Variants in SYMPK observed in about 807,000 individuals in gnomAD.
SYMPK encodes symplekin.
A neutral mutation model predicts 136.4 loss-of-function variants in SYMPK; 49 were observed. That is an observed-to-expected ratio of 0.36 (90% CI 0.29 to 0.46). The LOEUF is 0.46. Among genes scored for constraint, SYMPK ranks in the 20% least tolerant of loss-of-function variants. The pLI, the probability that SYMPK is intolerant of heterozygous loss-of-function variation, is 1.00. For synonymous variants in SYMPK, 766 were observed against 713.0 expected (o/e 1.07, Z -1.19); for missense variants, 1,365 against 1,690.0 (o/e 0.81, Z 3.37).
At chr19:45,835,280 A>G (rs370083794) in intron 10 of SYMPK, 52 bp from the exon 11 acceptor site, 20 of 1,507,552 alleles carry the variant, frequency 1.3e-5, no homozygotes, top group Non-Finnish European at 1.8e-5. Flanking sequence ...CTCAAGAAGC[A>G]TTCTTTCCAT....
At position 45,826,187 on chromosome 19, in the gene SYMPK, C is replaced by T. The variant is rs201091187; in HGVS notation, c.2329+39G>A. ...GCTCGCAGGGCCCAGAGCGCGGACA[C>T]AGCAGCGCTCAGTATGCATCTGATG... On this transcript the variant is annotated intron_variant, in intron 17 of 26. Coordinates refer to ENST00000245934, the MANE Select transcript of SYMPK (RefSeq NM_004819.3). 1.5e-5 allele frequency: 24 copies of T among 1,586,674 alleles called. No homozygotes were observed. The Middle Eastern group carries it at 6.8e-4, about 45-fold the overall frequency.
intron 5 of SYMPK, among the ~76,000 whole-genome samples, chr19:45,851,025 G>A (rs1328834307): frequency 2.0e-5 from 3 of 152,092 alleles, no homozygotes; most frequent in African/African-American, 7.2e-5. Context: ...CTTCTGAGGA[G>A]CAGGGGAGAC....
chr19:45,840,248 G>A (rs1971402637), intron 9 of SYMPK, among the ~76,000 whole-genome samples: 1 of 149,800 alleles, frequency 6.7e-6, no homozygotes, highest in Non-Finnish European at 1.5e-5. Flanking sequence ...CTGGGAGGCG[G>A]AGGTTGCAGT....
At position 45,825,237 on chromosome 19, in the gene SYMPK, C is replaced by T; in HGVS notation, c.2424G>A (p.Leu808=). 6.2e-7 allele frequency: 1 copy of T among 1,614,182 alleles called. No individual in the cohort carries two copies. The highest frequency in any genetic ancestry group is 8.5e-7 in the Non-Finnish European group (1 of 1,180,026). ...LPQNHKLIHE[L]AAVYTEAIAD... ...CGATGGCTTCAGTGTACACGGCCGC[C>T]AGTTCGTGGATCAGCTTGTGGTTCT... The change falls in exon 18 of 27, where the codon CTG becomes CTA. Residue 808 remains leucine, a synonymous_variant. Coordinates refer to ENST00000245934, the MANE Select transcript of SYMPK (RefSeq NM_004819.3).
Position 45,815,921 on chromosome 19 carries a change from CTGA to C in SYMPK, c.3614_3616del (p.Ile1205del), listed in dbSNP as rs762259897. ...GGTCAGCCCCGAGTCGTCATCCATG[CTGA>C]TGAAGATGCCCGGGGTCTCGCACTC... On this transcript the variant is annotated inframe_deletion, in exon 26 of 27. Coordinates refer to ENST00000245934, the MANE Select transcript of SYMPK (RefSeq NM_004819.3). 3.1e-6 allele frequency: 5 copies of C among 1,612,230 alleles called. No homozygotes were observed. The African/African-American group carries it at 5.3e-5, about 17-fold the overall frequency.
At chr19:45,851,258 T>C (rs1343409355) in intron 5 of SYMPK, among the ~76,000 whole-genome samples, 1 of 152,164 alleles carries the variant, frequency 6.6e-6, no homozygotes, top group East Asian at 1.9e-4. Flanking sequence ...ACGTGCTAAA[T>C]GCCACTCACT....
intron 1 of SYMPK, chr19:45,855,019 G>A (rs12981658): frequency 0.12 from 19,057 of 158,356 alleles, 1,587 homozygotes; most frequent in East Asian, 0.4. Context: ...CTGGGATTAC[G>A]GGCACATGCC....
chr19:45,821,170 A>G lies in SYMPK; in HGVS notation c.2893+214T>C. The G allele has an allele frequency of 1.7e-6, 1 of 595,148 alleles. No individual in the cohort carries two copies. The highest frequency in any genetic ancestry group is 1.5e-5 in the South Asian group (1 of 64,992). The allele number at this position is 595,148 out of a possible 1,614,324, so 36.9% of individuals were successfully genotyped here. A position where few individuals can be genotyped will look rare whatever the true frequency, so the allele number is the denominator to read the frequency against. The stretch of plus-strand genomic sequence containing the variant: ...AAAAAGGTGGGTTGTAAAGGGTAAA[A>G]CCTGGGAGGAAGGAAGGAGGAGGGA... On this transcript the variant is annotated intron_variant, in intron 22 of 26. Coordinates refer to ENST00000245934, the MANE Select transcript of SYMPK (RefSeq NM_004819.3). This position sits in a 1 kb window ranked among gnomAD's most constrained non-coding sequence, Gnocchi z 4.4.
intron 1 of SYMPK, among the ~76,000 whole-genome samples, chr19:45,860,832 G>A (rs1001192320): frequency 3.9e-5 from 6 of 152,128 alleles, no homozygotes; most frequent in Admixed American, 3.3e-4. Flanking sequence ...GAAGGGTTTC[G>A]CCATGTTGCC....
chr19:45,823,340 T>G (rs1014835910), intron 20 of SYMPK, 32 bp downstream of exon 20: 2 of 1,603,842 alleles, frequency 1.2e-6, no homozygotes, highest in African/African-American at 2.7e-5. Context: ...ATGTCCCAGG[T>G]AGCAGGGACA....
intron 14 of SYMPK, 54 bp downstream of exon 14, chr19:45,828,916 C>T: frequency 6.4e-7 from 1 of 1,556,540 alleles, no homozygotes. Context: ...GGGAGGGCAG[C>T]ACCAGGAGAG....
intron 9 of SYMPK, among the ~76,000 whole-genome samples, chr19:45,839,124 GGT>G (rs1971375900): frequency 6.6e-6 from 1 of 152,050 alleles, no homozygotes; most frequent in Non-Finnish European, 1.5e-5. Context: ...TCTGACCTCA[GGT>G]GATCCACCTG....
intron 9 of SYMPK, among the ~76,000 whole-genome samples, chr19:45,841,019 T>C (rs1264205769): frequency 6.6e-6 from 1 of 151,582 alleles, no homozygotes; most frequent in Non-Finnish European, 1.5e-5. Flanking sequence ...GGAGTCTTGC[T>C]CTGTCACCCA....
chr19:45,832,016 A>AT (rs986942869), intron 11 of SYMPK, among the ~76,000 whole-genome samples: 3 of 151,462 alleles, frequency 2.0e-5, no homozygotes, highest in Non-Finnish European at 2.9e-5. Context: ...TAATTTTTGT[A>AT]TTTTTTTGTA....
chr19:45,850,218 C>A (rs1389751397), intron 5 of SYMPK, among the ~76,000 whole-genome samples: 1 of 152,104 alleles, frequency 6.6e-6, no homozygotes, highest in Non-Finnish European at 1.5e-5. Flanking sequence ...GCACCCCAGT[C>A]TGGCCGACAG....
intron 8 of SYMPK, 71 bp from the exon 9 acceptor site, chr19:45,842,560 C>A (rs929206023): frequency 6.4e-7 from 1 of 1,573,278 alleles, no homozygotes; most frequent in Admixed American, 1.7e-5. Context: ...TAATTCTCAA[C>A]CCCAAACTTG....
intron 11 of SYMPK, among the ~76,000 whole-genome samples, chr19:45,834,073 A>G (rs1971246053): frequency 6.6e-6 from 1 of 152,142 alleles, no homozygotes; most frequent in Non-Finnish European, 1.5e-5. Flanking sequence ...GGATCACAAG[A>G]TCAGGAGGTG....
chr19:45,861,115 G>A (rs1371843141), intron 1 of SYMPK, among the ~76,000 whole-genome samples: 1 of 152,194 alleles, frequency 6.6e-6, no homozygotes, highest in Non-Finnish European at 1.5e-5. Context: ...AACAGGCCGG[G>A]CATGGTGGCT....
At chr19:45,844,337 GTGGT>G in intron 7 of SYMPK, 137 bp from the exon 8 acceptor site, 1 of 646,088 alleles carries the variant, frequency 1.5e-6, no homozygotes, top group South Asian at 2.7e-5. Flanking sequence ...AGAAAATGTG[GTGGT>G]TGATTAGTTC....
Sources: allele counts gnomAD v4.1 joint callset (sites outside exome capture counted in the v4.1 genomes callset), GRCh38; gene constraint gnomAD v4.1.1; non-coding constraint Gnocchi (gnomAD v3.1); transcripts MANE v1.5; gene names NCBI Gene and HGNC (gene_info 2026-07-23, HGNC 2026-07-21).